Variants in C1QTNF2 observed in about 807,000 individuals in gnomAD.
The protein encoded by C1QTNF2 is C1q and TNF related 2.
C1QTNF2 carries 15 observed loss-of-function variants against 17.4 expected under a neutral mutation model. The ratio of observed to expected loss-of-function variants is 0.86; its 90% CI spans 0.58 to 1.33. The LOEUF (loss-of-function observed/expected upper bound fraction) is 1.33, where lower values mean the gene tolerates loss of function less well. Ranked by LOEUF, C1QTNF2 falls within the 40% of genes most tolerant of loss-of-function variation. The pLI is 0.00. For missense variants in C1QTNF2, 381 were observed against 392.3 expected (o/e 0.97, Z 0.24); for synonymous variants, 154 against 163.3 (o/e 0.94, Z 0.44).
rs147132918 is a variant in C1QTNF2 at position 160,349,675 on chromosome 5, G to A, written c.351C>T (p.Pro117=). 6.8e-6 allele frequency: 11 copies of A among 1,612,568 alleles called. No homozygotes were observed. Among genetic ancestry groups the A allele is most frequent in the African/African-American group, 6.7e-5 (5 of 74,864 alleles). ...TCTTGCCTGGTGTGCCATGCTTCCC[G>A]GGGGTACCGTTGACCCCCTTGGGGC... The part of the protein sequence containing the change: ...PRGPKGVNGT[P]GKHGTPGKKG... Residue 117 remains proline (P), a synonymous_variant, in exon 3 of 3, where the codon CCC becomes CCT. Transcript: ENST00000652664. The surrounding 1 kb of genome is among the most constrained non-coding windows in gnomAD (Gnocchi z 4.3).
At chr5:160,353,788 CTTTTTTTTTTTTTTTTTTTT>C (rs200777932) in intron 2 of C1QTNF2, among the ~76,000 whole-genome samples, 24,571 of 87,504 alleles carry the variant, frequency 0.28, 2,821 homozygotes, top group Middle Eastern at 0.45. Flanking sequence ...ACTTCTCAGG[CTTTTTTTTTTTTTTTTTTTT>C]TTTTTTTTTT....
At chr5:160,370,486 G>A (rs2113545939) in intron 1 of C1QTNF2, 26 bp downstream of exon 1, 4 of 1,416,168 alleles carry the variant, frequency 2.8e-6, no homozygotes, top group South Asian at 3.1e-5. Context: ...TGCCGCCCCC[G>A]CCCGACCGCG....
At chr5:160,356,190 C>G (rs554069999) in intron 1 of C1QTNF2, among the ~76,000 whole-genome samples, 4 of 152,346 alleles carry the variant, frequency 2.6e-5, no homozygotes, top group African/African-American at 9.6e-5. Flanking sequence ...TTAACAGCCT[C>G]TCTCTCAAGA....
chr5:160,355,619 T>C (rs1764033546), intron 1 of C1QTNF2, among the ~76,000 whole-genome samples: 1 of 152,204 alleles, frequency 6.6e-6, no homozygotes, highest in South Asian at 2.1e-4. Context: ...CATTCATTAC[T>C]TGATCTTCAC....
At chr5:160,351,308 C>T (rs997407962) in intron 2 of C1QTNF2, among the ~76,000 whole-genome samples, 4 of 152,138 alleles carry the variant, frequency 2.6e-5, no homozygotes, top group African/African-American at 9.7e-5. Context: ...TTAAGCAAAA[C>T]CTATATGGAT....
chr5:160,360,440 T>C (rs1764132668), intron 1 of C1QTNF2, among the ~76,000 whole-genome samples: 1 of 152,212 alleles, frequency 6.6e-6, no homozygotes, highest in South Asian at 2.1e-4. Flanking sequence ...CTGTTCTTTT[T>C]TCCTCTGCTT....
At chr5:160,350,792 C>T (rs1482636435) in intron 2 of C1QTNF2, among the ~76,000 whole-genome samples, 1 of 151,012 alleles carries the variant, frequency 6.6e-6, no homozygotes, top group Non-Finnish European at 1.5e-5. Flanking sequence ...GCTCTGTCGC[C>T]CAGGCTGGAG....
chr5:160,354,584 G>GAAAAAAAAA (rs200801719), intron 2 of C1QTNF2, among the ~76,000 whole-genome samples, 184 bp downstream of exon 2: 12 of 27,470 alleles, frequency 4.4e-4, no homozygotes, highest in African/African-American at 1.7e-3. Context: ...GTCTCAAGGG[G>GAAAAAAAAA]AAAAAAAAAA....
At chr5:160,360,716 C>A (rs1032766373) in intron 1 of C1QTNF2, among the ~76,000 whole-genome samples, 11 of 152,052 alleles carry the variant, frequency 7.2e-5, no homozygotes, top group Admixed American at 7.2e-4. Context: ...TTCATTAGAG[C>A]CTTCCTACTA....
At chr5:160,365,192 C>T (rs1289869694) in intron 1 of C1QTNF2, among the ~76,000 whole-genome samples, 1 of 152,184 alleles carries the variant, frequency 6.6e-6, no homozygotes, top group African/African-American at 2.4e-5. Context: ...CAAGACCAGG[C>T]AGGCGGCAGG....
chr5:160,355,744 G>A (rs114889199), intron 1 of C1QTNF2, among the ~76,000 whole-genome samples: 4 of 152,344 alleles, frequency 2.6e-5, no homozygotes, highest in Non-Finnish European at 5.9e-5. Context: ...ACCCCAGGAT[G>A]GCTTTGAATG....
At position 160,349,829 on chromosome 5, in the gene C1QTNF2, G is replaced by T; in HGVS notation, c.245-48C>A. The T allele has an allele frequency of 6.7e-7, 1 of 1,500,940 alleles. No individual in the cohort carries two copies. Among genetic ancestry groups the T allele is most frequent in the South Asian group, 1.3e-5 (1 of 74,390 alleles). 93.0% of individuals were successfully genotyped at this position (1,500,940 alleles called of 1,614,324 possible). ...TTATGGAGGGTCCTCACAGACCTAG[G>T]CAGAGGGGTGCGGTGCGGCTTGGTC... On this transcript the variant is annotated intron_variant, in intron 2 of 2. Transcript: ENST00000652664. This position sits in a 1 kb window ranked among gnomAD's most constrained non-coding sequence, Gnocchi z 4.3.
chr5:160,366,837 A>G (rs531101183), intron 1 of C1QTNF2, among the ~76,000 whole-genome samples: 1 of 152,262 alleles, frequency 6.6e-6, no homozygotes, highest in South Asian at 2.1e-4. Context: ...CAGCCTGGAC[A>G]ATATGGCAAA....
chr5:160,350,522 A>G (rs1763897503), intron 2 of C1QTNF2, among the ~76,000 whole-genome samples: 1 of 152,086 alleles, frequency 6.6e-6, no homozygotes, highest in Non-Finnish European at 1.5e-5. Flanking sequence ...TGGGCAATGT[A>G]GCCAGACAGT....
chr5:160,349,729 G>T lies in C1QTNF2; in HGVS notation c.297C>A (p.Ala99=). 6.4e-7 allele frequency: 1 copy of T among 1,555,248 alleles called. No individual in the cohort carries two copies. The part of the protein sequence containing the change: ...NRGKPGPKGK[A]GAIGRAGPRG... ...GGGGGCCAGCCCGCCCAATGGCCCC[G>T]GCTTTGCCCTTTGGTCCTGGCTTTC... is the stretch of plus-strand genomic sequence containing the variant. Residue 99 remains alanine (A), a synonymous_variant, in exon 3 of 3, where the codon GCC becomes GCA. Transcript: ENST00000652664. This position sits in a 1 kb window ranked among gnomAD's most constrained non-coding sequence, Gnocchi z 4.3.
chr5:160,363,777 C>T (rs1282610477), intron 1 of C1QTNF2, among the ~76,000 whole-genome samples: 4 of 152,198 alleles, frequency 2.6e-5, no homozygotes, highest in Non-Finnish European at 5.9e-5. Context: ...ACAAAGCCAT[C>T]AAGCTTTGGC....
intron 2 of C1QTNF2, among the ~76,000 whole-genome samples, chr5:160,353,779 C>T (rs967174165): frequency 7.7e-6 from 1 of 129,606 alleles, no homozygotes. Flanking sequence ...GGCTCTTGGA[C>T]TTCTCAGGCT....
intron 1 of C1QTNF2, among the ~76,000 whole-genome samples, chr5:160,356,807 G>T (rs573251491): frequency 1.3e-5 from 2 of 152,150 alleles, no homozygotes; most frequent in South Asian, 2.1e-4. Flanking sequence ...TTGGCCCCTG[G>T]CTCTTGGAGC....
At chr5:160,363,148 G>A (rs1026441117) in intron 1 of C1QTNF2, among the ~76,000 whole-genome samples, 1 of 152,180 alleles carries the variant, frequency 6.6e-6, no homozygotes, top group African/African-American at 2.4e-5. Context: ...GATGAAGCTT[G>A]CTGAAAATCC....
Sources: allele counts gnomAD v4.1 joint callset (sites outside exome capture counted in the v4.1 genomes callset), GRCh38; gene constraint gnomAD v4.1.1; non-coding constraint Gnocchi (gnomAD v3.1); transcripts MANE v1.5; gene names NCBI Gene and HGNC (gene_info 2026-07-23, HGNC 2026-07-21).